CTDSPL: variants seen among roughly 807,000 people sequenced by gnomAD.
CTDSPL encodes the protein CTD small phosphatase like.
A neutral mutation model predicts 30.5 loss-of-function variants in CTDSPL; 8 were observed. The observed-to-expected ratio is 0.26, with a 90% CI of 0.15 to 0.47. The LOEUF is 0.47. CTDSPL is among the 20% of genes least tolerant of loss of function. The pLI, the probability that CTDSPL is intolerant of heterozygous loss-of-function variation, is 0.99. For synonymous variants in CTDSPL, 110 were observed against 137.9 expected (o/e 0.80, Z 1.42); for missense variants, 248 against 366.1 (o/e 0.68, Z 2.63).
At chr3:37,956,374 A>G (rs1315262110) in intron 2 of CTDSPL, among the ~76,000 whole-genome samples, 4 of 152,248 alleles carry the variant, frequency 2.6e-5, no homozygotes, top group Non-Finnish European at 5.9e-5. Flanking sequence ...TCTAAAAAAG[A>G]AGAAACAGAA....
chr3:37,919,314 C>A (rs1698686868), intron 1 of CTDSPL, among the ~76,000 whole-genome samples: 1 of 152,204 alleles, frequency 6.6e-6, no homozygotes, highest in Admixed American at 6.5e-5. Flanking sequence ...CAAGAAGCTG[C>A]TCTGAGATGG....
At chr3:37,914,589 A>G (rs988102660) in intron 1 of CTDSPL, among the ~76,000 whole-genome samples, 19 of 152,334 alleles carry the variant, frequency 1.2e-4, no homozygotes, top group Admixed American at 1.1e-3. Context: ...GGATATGATC[A>G]TTTGATTCAC....
chr3:37,950,731 A>C (rs1006675642), intron 2 of CTDSPL, among the ~76,000 whole-genome samples: 7 of 152,240 alleles, frequency 4.6e-5, no homozygotes, highest in African/African-American at 1.7e-4. Context: ...TACCAAGTCG[A>C]CAGCAGGATT....
intron 1 of CTDSPL, among the ~76,000 whole-genome samples, chr3:37,914,071 A>T (rs1698614882): frequency 6.6e-6 from 1 of 152,234 alleles, no homozygotes; most frequent in African/African-American, 2.4e-5. Flanking sequence ...CCATGAACAT[A>T]GTATATCCCT....
intron 4 of CTDSPL, 30 bp downstream of exon 4, chr3:37,964,702 T>C (rs1046763253): frequency 4.0e-6 from 6 of 1,495,156 alleles, no homozygotes; most frequent in Non-Finnish European, 5.6e-6. Context: ...AAATCCATGA[T>C]CTTTGTGATT....
chr3:37,867,339 G>A (rs903460159), intron 1 of CTDSPL, among the ~76,000 whole-genome samples: 1 of 151,998 alleles, frequency 6.6e-6, no homozygotes, highest in Admixed American at 6.5e-5. Flanking sequence ...ATATACCACA[G>A]TTTGTTTAAC....
chr3:37,948,909 T>C (rs959560196), intron 2 of CTDSPL, among the ~76,000 whole-genome samples: 1 of 146,518 alleles, frequency 6.8e-6, no homozygotes, highest in South Asian at 2.2e-4. Context: ...CAAGCTCCGC[T>C]TCCCGGGTTC....
At chr3:37,967,751 G>A in intron 4 of CTDSPL, 75 bp from the exon 5 acceptor site, 2 of 1,074,364 alleles carry the variant, frequency 1.9e-6, no homozygotes, top group Non-Finnish European at 2.7e-6. Context: ...GTCTAGGCAG[G>A]CTTTTTTCTT....
chr3:37,960,533 TATACAC>T (rs1244509956), intron 3 of CTDSPL, among the ~76,000 whole-genome samples: 75 of 33,548 alleles, frequency 2.2e-3, no homozygotes, highest in African/African-American at 7.6e-3. Context: ...TATATATATA[TATACAC>T]ACACACACAC....
At chr3:37,911,494 C>T (rs1698582338) in intron 1 of CTDSPL, among the ~76,000 whole-genome samples, 1 of 152,092 alleles carries the variant, frequency 6.6e-6, no homozygotes, top group Admixed American at 6.6e-5. Flanking sequence ...AGCCGTGGAG[C>T]TTACACAGAG....
intron 1 of CTDSPL, among the ~76,000 whole-genome samples, chr3:37,896,459 T>G (rs1422394249): frequency 6.6e-6 from 1 of 152,186 alleles, no homozygotes; most frequent in Non-Finnish European, 1.5e-5. Flanking sequence ...AATTTTGGGT[T>G]TTATTCAATA....
Position 37,929,226 on chromosome 3 carries a change from T to C in CTDSPL, c.80-17831T>C, listed in dbSNP as rs1262160656. 2.0e-5 allele frequency among the ~76,000 whole-genome samples: 3 copies of C among 151,904 alleles called. No individual in the cohort carries two copies. The East Asian group carries it at 5.8e-4, about 29-fold the overall frequency. On this transcript the variant is annotated intron_variant, in intron 1 of 7. Coordinates refer to ENST00000273179, the MANE Select transcript of CTDSPL (RefSeq NM_001008392.2). ...TCAGGAAGTGTGAGGCCTCCAGCTT[T>C]GTTGTTCTTTATCATGATTGTTTTG... is the stretch of plus-strand genomic sequence containing the variant.
intron 1 of CTDSPL, among the ~76,000 whole-genome samples, chr3:37,901,885 A>T (rs1698454308): frequency 6.6e-6 from 1 of 152,212 alleles, no homozygotes; most frequent in African/African-American, 2.4e-5. Flanking sequence ...TCTGGATGGA[A>T]TCAGTCCAGG....
Position 37,964,682 on chromosome 3 carries a change from C to G in CTDSPL, c.369+10C>G. On this transcript the variant is annotated intron_variant, in intron 4 of 7. Coordinates refer to ENST00000273179, the MANE Select transcript of CTDSPL (RefSeq NM_001008392.2). ...GCACAGTTCGTTTAAGGTAAATCAA[C>G]ATAAAAAAAAAATCCATGATCTTTG... is the stretch of plus-strand genomic sequence containing the variant. 1 of 1,551,862 alleles carries G rather than the reference C, an allele frequency of 6.4e-7. No homozygotes were observed. Among genetic ancestry groups the G allele is most frequent in the East Asian group, 2.3e-5 (1 of 44,408 alleles).
intron 1 of CTDSPL, among the ~76,000 whole-genome samples, chr3:37,870,515 C>A (rs987452399): frequency 6.6e-6 from 1 of 152,086 alleles, no homozygotes; most frequent in Admixed American, 6.5e-5. Context: ...ATAACCAGTT[C>A]TTTGTTGCAT....
chr3:37,935,770 T>C (rs1323692594), intron 1 of CTDSPL, among the ~76,000 whole-genome samples: 2 of 152,166 alleles, frequency 1.3e-5, no homozygotes, highest in Admixed American at 6.5e-5. Context: ...GCAGGCAGCA[T>C]TGGGCCTCAG....
rs149211427 is a variant in CTDSPL, at chr3:37,918,578, C to T, written c.80-28479C>T. Among the ~76,000 whole-genome samples the T allele has an allele frequency of 2.8e-3, 432 of 152,290 alleles. 1 individual carries two copies. The highest frequency in any genetic ancestry group is 3.8e-3 in the Non-Finnish European group (257 of 68,028). Reference sequence around the variant, plus strand: ...AATCACCTTCTATGTTCATATTAATCGGTTCTCACAATAGTTCTTCCATTA... The same window carrying T: ...AATCACCTTCTATGTTCATATTAATTGGTTCTCACAATAGTTCTTCCATTA... On this transcript the variant is annotated intron_variant, in intron 1 of 7. Coordinates refer to ENST00000273179, the MANE Select transcript of CTDSPL (RefSeq NM_001008392.2).
At chr3:37,971,539 C>CTGGG (rs1279828154) in intron 6 of CTDSPL, 40 bp downstream of exon 6, 7 of 1,551,180 alleles carry the variant, frequency 4.5e-6, no homozygotes, top group Non-Finnish European at 6.2e-6. Context: ...CAGCCTGGTA[C>CTGGG]TCCCAGCCCC....
intron 5 of CTDSPL, chr3:37,969,347 C>A (rs1003533569): frequency 4.1e-6 from 2 of 491,878 alleles, no homozygotes; most frequent in East Asian, 6.0e-5. Context: ...AATTCTCTCC[C>A]GAGGGAATGA....
Sources: allele counts gnomAD v4.1 joint callset (sites outside exome capture counted in the v4.1 genomes callset), GRCh38; gene constraint gnomAD v4.1.1; transcripts MANE v1.5; gene names NCBI Gene and HGNC (gene_info 2026-07-23, HGNC 2026-07-21).